The following ATRNL1 variants were observed in gnomAD, a reference collection of about 807,000 sequenced individuals.
ATRNL1 encodes the protein attractin-like protein 1.
ATRNL1 carries 95 observed loss-of-function variants against 182.7 expected under a neutral mutation model. The observed-to-expected ratio is 0.52, with a 90% CI of 0.44 to 0.62. ATRNL1 has a LOEUF of 0.62. ATRNL1 is among the 20% of genes least tolerant of loss of function. The pLI, the probability that ATRNL1 is intolerant of heterozygous loss-of-function variation, is 0.00. For missense variants in ATRNL1, 1,471 were observed against 1,679.5 expected (o/e 0.88, Z 2.17); for synonymous variants, 576 against 568.3 (o/e 1.01, Z -0.19).
chr10:115,384,367 T>G (rs1858211373), intron 19 of ATRNL1, among the ~76,000 whole-genome samples: 1 of 152,002 alleles, frequency 6.6e-6, no homozygotes, highest in Non-Finnish European at 1.5e-5. Flanking sequence ...CTGTATCTCC[T>G]CCCCATCACT....
At chr10:115,174,835 C>T (rs1208384777) in intron 8 of ATRNL1, among the ~76,000 whole-genome samples, 1 of 151,826 alleles carries the variant, frequency 6.6e-6, no homozygotes, top group East Asian at 1.9e-4. Context: ...CCTGATCCAA[C>T]TTAAATTAAA....
At chr10:115,279,422 C>A (rs782229528) in intron 13 of ATRNL1, among the ~76,000 whole-genome samples, 1 of 152,098 alleles carries the variant, frequency 6.6e-6, no homozygotes, top group Non-Finnish European at 1.5e-5. Flanking sequence ...TTGTTGATTT[C>A]TTAAAACTGA....
At chr10:115,284,896 A>G (rs1217075144) in intron 14 of ATRNL1, among the ~76,000 whole-genome samples, 2 of 152,202 alleles carry the variant, frequency 1.3e-5, no homozygotes, top group Non-Finnish European at 2.9e-5. Context: ...AGAAATATTA[A>G]AAAACAGAAA....
At chr10:115,465,609 GA>G (rs61151745) in intron 22 of ATRNL1, among the ~76,000 whole-genome samples, 58,093 of 143,894 alleles carry the variant, frequency 0.4, 12,243 homozygotes, top group Non-Finnish European at 0.51. Context: ...ATAATCAATA[GA>G]AAATAAGAAG....
chr10:115,890,124 C>T (rs986396766), intron 28 of ATRNL1, among the ~76,000 whole-genome samples: 14 of 152,104 alleles, frequency 9.2e-5, no homozygotes, highest in Non-Finnish European at 1.9e-4. Flanking sequence ...AACATTAAAT[C>T]GTGAAGGTGT....
At chr10:115,394,605 A>G (rs967000738) in intron 19 of ATRNL1, 54 bp from the exon 20 acceptor site, 16 of 1,302,682 alleles carry the variant, frequency 1.2e-5, no homozygotes, top group African/African-American at 5.8e-5. Flanking sequence ...GAAATGTGAA[A>G]TGTGCATGTT....
At chr10:115,588,186 A>G (rs1316457598) in intron 26 of ATRNL1, among the ~76,000 whole-genome samples, 2 of 152,166 alleles carry the variant, frequency 1.3e-5, no homozygotes, top group Non-Finnish European at 2.9e-5. Context: ...GCTCTCCGGA[A>G]TCATTCTAGA....
At chr10:115,879,730 T>C (rs188947682) in intron 28 of ATRNL1, among the ~76,000 whole-genome samples, 144 of 152,356 alleles carry the variant, frequency 9.5e-4, no homozygotes, top group African/African-American at 3.3e-3. Context: ...CTGTGAGTTT[T>C]TTTTAAGGGA....
intron 27 of ATRNL1, among the ~76,000 whole-genome samples, chr10:115,745,985 A>G (rs560584248): frequency 3.5e-4 from 54 of 152,276 alleles, no homozygotes; most frequent in African/African-American, 1.3e-3. Context: ...GTATATTTCC[A>G]GTTCTTATGA....
At chr10:115,668,758 C>T (rs1361482296) in intron 26 of ATRNL1, among the ~76,000 whole-genome samples, 2 of 152,070 alleles carry the variant, frequency 1.3e-5, no homozygotes, top group Non-Finnish European at 2.9e-5. Flanking sequence ...CTTTTTATAT[C>T]ATTTATGTTC....
intron 21 of ATRNL1, among the ~76,000 whole-genome samples, chr10:115,456,343 A>G (rs1847522297): frequency 6.6e-6 from 1 of 152,174 alleles, no homozygotes; most frequent in Non-Finnish European, 1.5e-5. Context: ...AGGTACATGG[A>G]TGAAGCTGGA....
chr10:115,189,590 C>T (rs147170176), intron 8 of ATRNL1, among the ~76,000 whole-genome samples: 4 of 151,780 alleles, frequency 2.6e-5, no homozygotes, highest in Admixed American at 2.6e-4. Context: ...TAGGAAAAAG[C>T]TTATATAATA....
intron 25 of ATRNL1, among the ~76,000 whole-genome samples, chr10:115,523,142 C>T (rs1851036968): frequency 6.6e-6 from 1 of 152,198 alleles, no homozygotes; most frequent in Non-Finnish European, 1.5e-5. Context: ...CTCTAGTACT[C>T]ATACTTTCTA....
At chr10:115,854,937 T>C (rs1254045660) in intron 28 of ATRNL1, among the ~76,000 whole-genome samples, 2 of 152,168 alleles carry the variant, frequency 1.3e-5, no homozygotes, top group Non-Finnish European at 2.9e-5. Flanking sequence ...TCATATCGCT[T>C]CCTCATACCT....
At chr10:115,787,525 C>T (rs1949425176) in intron 27 of ATRNL1, among the ~76,000 whole-genome samples, 1 of 151,968 alleles carries the variant, frequency 6.6e-6, no homozygotes, top group African/African-American at 2.4e-5. Flanking sequence ...CAATATTTTA[C>T]TTATCTTACC....
chr10:115,369,503 T>G (rs1857273436), intron 19 of ATRNL1, among the ~76,000 whole-genome samples: 1 of 152,186 alleles, frequency 6.6e-6, no homozygotes, highest in Admixed American at 6.5e-5. Context: ...TTTGTATCTT[T>G]GCTAGTGTGA....
chr10:115,935,926 A>G (rs1365940433), intron 28 of ATRNL1, among the ~76,000 whole-genome samples: 4 of 152,212 alleles, frequency 2.6e-5, no homozygotes, highest in African/African-American at 9.6e-5. Flanking sequence ...CCTCATGGGC[A>G]AATTCTCAAT....
At chr10:115,272,075 A>G (rs1230357006) in intron 13 of ATRNL1, among the ~76,000 whole-genome samples, 2 of 152,202 alleles carry the variant, frequency 1.3e-5, no homozygotes, top group Non-Finnish European at 2.9e-5. Flanking sequence ...GCTTACTGCC[A>G]CTTTGCCTTC....
At chr10:115,434,915 A>G (rs2134425397) in intron 21 of ATRNL1, among the ~76,000 whole-genome samples, 1 of 152,274 alleles carries the variant, frequency 6.6e-6, no homozygotes. Flanking sequence ...TTGGAGTATA[A>G]GATTAAGTTC....
Sources: gnomAD v4.1 joint callset for allele counts (sites outside exome capture counted in the v4.1 genomes callset) on GRCh38, gnomAD v4.1.1 for gene constraint, MANE v1.5 for transcripts, NCBI Gene and HGNC (gene_info 2026-07-23, HGNC 2026-07-21) for gene names.